The following TBCK variants were observed in gnomAD, a reference collection of about 807,000 sequenced individuals.
TBCK encodes the protein TBC1 domain containing kinase.
Under a neutral mutation model 113.4 loss-of-function variants are expected in TBCK, and 99 were observed. The observed-to-expected ratio is 0.87, with a 90% CI of 0.74 to 1.03. The LOEUF (loss-of-function observed/expected upper bound fraction) is 1.03. Ranked by LOEUF, TBCK falls within the 50% of genes least tolerant of loss-of-function variation. The pLI is 0.00. For missense variants in TBCK, 1,045 were observed against 1,061.3 expected (o/e 0.98, Z 0.21); for synonymous variants, 369 against 370.8 (o/e 1.00, Z 0.05).
chr4:106,096,426 G>C (rs573953215), intron 24 of TBCK, among the ~76,000 whole-genome samples: 1 of 152,312 alleles, frequency 6.6e-6, no homozygotes, highest in South Asian at 2.1e-4. Flanking sequence ...TGTGAGGCCT[G>C]AATCAGTTGC....
intron 25 of TBCK, among the ~76,000 whole-genome samples, chr4:106,076,213 T>A (rs1738172472): frequency 6.6e-6 from 1 of 152,088 alleles, no homozygotes. Context: ...AGTTCTTGAG[T>A]GGGGATGCTG....
intron 23 of TBCK, among the ~76,000 whole-genome samples, chr4:106,124,497 C>T (rs900294589): frequency 6.6e-6 from 1 of 152,150 alleles, no homozygotes; most frequent in Non-Finnish European, 1.5e-5. Context: ...CATCCCATTA[C>T]TGGGTATATA....
intron 25 of TBCK, among the ~76,000 whole-genome samples, chr4:106,047,852 C>T (rs922885721): frequency 6.6e-6 from 1 of 152,048 alleles, no homozygotes; most frequent in Non-Finnish European, 1.5e-5. Context: ...TGATAGTGTC[C>T]TATTCCTCCT....
chr4:106,070,894 T>A (rs1737336114), intron 25 of TBCK, among the ~76,000 whole-genome samples: 1 of 152,188 alleles, frequency 6.6e-6, no homozygotes, highest in Non-Finnish European at 1.5e-5. Flanking sequence ...GTCCAGGAAT[T>A]TATCCATTTC....
At chr4:106,299,289 T>G (rs1766663952) in intron 2 of TBCK, among the ~76,000 whole-genome samples, 2 of 152,252 alleles carry the variant, frequency 1.3e-5, no homozygotes, top group Admixed American at 6.5e-5. Context: ...CTGTCCTGTG[T>G]AGAAAATTAC....
chr4:106,213,190 T>G (rs1308348136), intron 19 of TBCK, among the ~76,000 whole-genome samples: 1 of 152,238 alleles, frequency 6.6e-6, no homozygotes, highest in Non-Finnish European at 1.5e-5. Flanking sequence ...AGCAGATCCT[T>G]AAATGAAGGA....
At chr4:106,080,547 A>G (rs2149491055) in intron 25 of TBCK, among the ~76,000 whole-genome samples, 1 of 152,360 alleles carries the variant, frequency 6.6e-6, no homozygotes, top group African/African-American at 2.4e-5. Flanking sequence ...ACTTAAATGT[A>G]AGACCGAAAG....
intron 23 of TBCK, among the ~76,000 whole-genome samples, chr4:106,152,830 T>C (rs1748658312): frequency 1.3e-5 from 2 of 152,082 alleles, no homozygotes; most frequent in Admixed American, 6.6e-5. Context: ...ATCTAGGCAT[T>C]TGTCCACCTC....
At chr4:106,170,893 G>A (rs1047663817) in intron 23 of TBCK, among the ~76,000 whole-genome samples, 4 of 152,032 alleles carry the variant, frequency 2.6e-5, no homozygotes, top group East Asian at 1.9e-4. Context: ...GGAGGAGTAC[G>A]TCAAAATAAT....
chr4:106,250,577 T>C (rs979582457), intron 6 of TBCK, 99 bp from the exon 7 acceptor site: 2 of 604,996 alleles, frequency 3.3e-6, no homozygotes, highest in African/African-American at 1.9e-5. Context: ...TTATCAGGCA[T>C]CTTTATTTAT....
chr4:106,152,815 T>C (rs547692443), intron 23 of TBCK, among the ~76,000 whole-genome samples: 1 of 152,206 alleles, frequency 6.6e-6, no homozygotes, highest in East Asian at 1.9e-4. Context: ...TGGTAGGTTG[T>C]ATGTATCTAG....
At chr4:106,164,962 A>G (rs1434371434) in intron 23 of TBCK, among the ~76,000 whole-genome samples, 2 of 151,336 alleles carry the variant, frequency 1.3e-5, no homozygotes, top group Non-Finnish European at 3.0e-5. Context: ...TAGTATATAC[A>G]AGCAGTTAGC....
At chr4:106,160,137 A>G (rs1171806518) in intron 23 of TBCK, among the ~76,000 whole-genome samples, 1 of 152,052 alleles carries the variant, frequency 6.6e-6, no homozygotes, top group Non-Finnish European at 1.5e-5. Context: ...AAAATAAATC[A>G]AAGACTTAAA....
chr4:106,089,067 G>A (rs1739870122), intron 25 of TBCK, among the ~76,000 whole-genome samples: 2 of 151,588 alleles, frequency 1.3e-5, no homozygotes, highest in South Asian at 4.2e-4. Flanking sequence ...AAATTAAAGA[G>A]GTTTAATTGG....
intron 20 of TBCK, among the ~76,000 whole-genome samples, chr4:106,198,550 C>T (rs893214616): frequency 3.9e-5 from 6 of 151,970 alleles, no homozygotes; most frequent in African/African-American, 1.5e-4. Flanking sequence ...TCCAAGCCTG[C>T]CTCAAATGCC....
intron 4 of TBCK, 53 bp from the exon 5 acceptor site, chr4:106,260,563 CAT>C (rs1385302461): frequency 7.2e-6 from 4 of 552,746 alleles, no homozygotes; most frequent in African/African-American, 2.0e-5. Flanking sequence ...TAATTGGCAA[CAT>C]ATAATTTATA....
chr4:106,255,974 G>T (rs1362913478), intron 5 of TBCK, among the ~76,000 whole-genome samples: 1 of 152,128 alleles, frequency 6.6e-6, no homozygotes, highest in Non-Finnish European at 1.5e-5. Context: ...CCTCAGGTGG[G>T]GTGTCCCTAT....
chr4:106,050,173 A>G (rs1263039655), intron 25 of TBCK, among the ~76,000 whole-genome samples: 2 of 152,088 alleles, frequency 1.3e-5, no homozygotes, highest in Non-Finnish European at 2.9e-5. Context: ...ATTTGCTGAA[A>G]AGATATGACA....
intron 20 of TBCK, among the ~76,000 whole-genome samples, chr4:106,208,860 A>T (rs1442826821): frequency 6.6e-6 from 1 of 152,180 alleles, no homozygotes; most frequent in African/African-American, 2.4e-5. Context: ...TTGGGGTCAC[A>T]TGCCCACCTC....
Sources: allele counts gnomAD v4.1 joint callset (sites outside exome capture counted in the v4.1 genomes callset), GRCh38; gene constraint gnomAD v4.1.1; transcripts MANE v1.5; gene names NCBI Gene and HGNC (gene_info 2026-07-23, HGNC 2026-07-21).